VRK1: variants seen among roughly 807,000 people sequenced by gnomAD.
VRK1 encodes VRK serine/threonine kinase 1, also known as serine/threonine-protein kinase VRK1.
In VRK1, 33 loss-of-function variants were observed where a neutral mutation model predicts 57.1. That is an observed-to-expected ratio of 0.58 (90% CI 0.44 to 0.77). The LOEUF is 0.77. VRK1 is among the 30% of genes least tolerant of loss of function. The pLI is 0.00. For missense variants in VRK1, 413 were observed against 477.3 expected, an observed-to-expected ratio of 0.87 and a Z score of 1.25; for synonymous variants, 137 against 147.8, an observed-to-expected ratio of 0.93 and a Z score of 0.53.
intron 11 of VRK1, among the ~76,000 whole-genome samples, chr14:96,874,577 C>T (rs1888953784): frequency 6.6e-6 from 1 of 152,172 alleles, no homozygotes; most frequent in Admixed American, 6.5e-5. Flanking sequence ...CCCCCATATA[C>T]AAATCTGCTA....
At chr14:96,839,581 C>T (rs780927365) in intron 3 of VRK1, among the ~76,000 whole-genome samples, 3 of 152,080 alleles carry the variant, frequency 2.0e-5, no homozygotes, top group Non-Finnish European at 4.4e-5. Context: ...TCAGTTTGCA[C>T]GTGCTTGTTG....
chr14:96,811,999 AAATTTATCAATTCTGG>A (rs1202719311), intron 1 of VRK1, among the ~76,000 whole-genome samples: 1 of 152,338 alleles, frequency 6.6e-6, no homozygotes, highest in African/African-American at 2.4e-5. Context: ...TTTTGTCTAT[AAATTTATCAATTCTGG>A]AAATTTTACG....
At chr14:96,828,065 A>G (rs1279475095) in intron 1 of VRK1, among the ~76,000 whole-genome samples, 1 of 152,192 alleles carries the variant, frequency 6.6e-6, no homozygotes, top group African/African-American at 2.4e-5. Context: ...AATTCATGTA[A>G]ATGGAATATA....
chr14:96,880,998 C>A (rs1010316411), intron 12 of VRK1, among the ~76,000 whole-genome samples, 179 bp from the exon 13 acceptor site: 21 of 152,124 alleles, frequency 1.4e-4, no homozygotes, highest in African/African-American at 5.1e-4. Flanking sequence ...ACCCAATTTT[C>A]TAAGATTTTC....
intron 2 of VRK1, among the ~76,000 whole-genome samples, chr14:96,836,299 G>T (rs1887209418): frequency 6.6e-6 from 1 of 152,050 alleles, no homozygotes; most frequent in Non-Finnish European, 1.5e-5. Flanking sequence ...GCAGCCCAAA[G>T]AAGTCTTTAT....
In VRK1 at chr14:96,800,813, T is replaced by C. The variant is rs142118893; in HGVS notation, c.-6+3366T>C. Among the ~76,000 whole-genome samples, 120 of 152,154 alleles carry C rather than the reference T, an allele frequency of 7.9e-4. 1 individual carries two copies. Among genetic ancestry groups the C allele is most frequent in the African/African-American group, 2.8e-3 (115 of 41,488 alleles). ...ACGTGTATACTAAAATGTTTATTGGTAAGTAATTCATTAAATGGGAAGATA... is the reference window on the plus strand; with the variant it reads ...ACGTGTATACTAAAATGTTTATTGGCAAGTAATTCATTAAATGGGAAGATA... On this transcript the variant is annotated intron_variant, in intron 1 of 12. Coordinates refer to ENST00000216639, the MANE Select transcript of VRK1 (RefSeq NM_003384.3).
chr14:96,802,552 T>C (rs1885704160), intron 1 of VRK1, among the ~76,000 whole-genome samples: 1 of 152,226 alleles, frequency 6.6e-6, no homozygotes, highest in Admixed American at 6.5e-5. Context: ...GACAAAATTA[T>C]AGAAATGCAG....
chr14:96,834,531 T>C (rs1887140378), intron 2 of VRK1, among the ~76,000 whole-genome samples: 1 of 152,192 alleles, frequency 6.6e-6, no homozygotes. Context: ...TGAGAACCAC[T>C]GGTTGGTAAA....
At chr14:96,810,945 A>G (rs898102361) in intron 1 of VRK1, among the ~76,000 whole-genome samples, 3 of 148,326 alleles carry the variant, frequency 2.0e-5, no homozygotes, top group Admixed American at 1.3e-4. Context: ...TTTTTTTTTT[A>G]ATTTTTTTTT....
chr14:96,881,507 C>G lies in VRK1; in HGVS notation c.*299C>G. 3.7e-6 allele frequency: 1 copy of G among 270,250 alleles called. No homozygotes were observed. The highest frequency in any genetic ancestry group is 4.8e-5 in the Admixed American group (1 of 20,694). 16.7% of individuals were successfully genotyped at this position (270,250 alleles called of 1,614,324 possible). On this transcript the variant is annotated 3_prime_UTR_variant, in exon 13 of 13. Transcript: ENST00000216639. ...TTATTATGACACGCACTTTTCTAAT[C>G]ATTGTACATTTCTCAGAGTGGATAA...
At chr14:96,876,376 G>A (rs1380201096) in intron 12 of VRK1, among the ~76,000 whole-genome samples, 1 of 152,136 alleles carries the variant, frequency 6.6e-6, no homozygotes, top group Non-Finnish European at 1.5e-5. Context: ...ATGATTAAAT[G>A]GCAGAGCTGC....
intron 1 of VRK1, among the ~76,000 whole-genome samples, chr14:96,802,874 A>G (rs1434931263): frequency 1.3e-5 from 2 of 152,216 alleles, no homozygotes; most frequent in Admixed American, 6.5e-5. Context: ...TAAAGCTGCT[A>G]TGAACATTAA....
chr14:96,842,029 G>GT (rs928340460), intron 3 of VRK1, among the ~76,000 whole-genome samples: 7 of 151,866 alleles, frequency 4.6e-5, no homozygotes, highest in Admixed American at 3.9e-4. Flanking sequence ...GTTGTTTTTA[G>GT]TTTTTTTAAA....
chr14:96,816,711 A>G (rs1276991755), intron 1 of VRK1, among the ~76,000 whole-genome samples: 4 of 152,180 alleles, frequency 2.6e-5, no homozygotes, highest in Non-Finnish European at 4.4e-5. Context: ...AGATTAAGTG[A>G]CAGTATAGGG....
At chr14:96,860,947 C>T in intron 11 of VRK1, 1 of 402,866 alleles carries the variant, frequency 2.5e-6, no homozygotes, top group South Asian at 4.1e-5. Flanking sequence ...TTACTAAATT[C>T]CTGAACTGAT....
chr14:96,844,088 A>G (rs1211559221), intron 3 of VRK1, among the ~76,000 whole-genome samples: 1 of 152,216 alleles, frequency 6.6e-6, no homozygotes, highest in East Asian at 1.9e-4. Flanking sequence ...TCCAAAGGTA[A>G]GCTTTGGAGA....
At chr14:96,869,175 T>C (rs1310185514) in intron 11 of VRK1, among the ~76,000 whole-genome samples, 3 of 152,222 alleles carry the variant, frequency 2.0e-5, no homozygotes, top group South Asian at 2.1e-4. Context: ...AAGATTGTTA[T>C]GAGGAATAAA....
At chr14:96,871,774 A>C (rs1229884302) in intron 11 of VRK1, among the ~76,000 whole-genome samples, 1 of 152,188 alleles carries the variant, frequency 6.6e-6, no homozygotes, top group Non-Finnish European at 1.5e-5. Flanking sequence ...ACTGAAACTC[A>C]TTGAAAACAA....
chr14:96,800,287 C>A (rs570797078), intron 1 of VRK1, among the ~76,000 whole-genome samples: 3 of 152,118 alleles, frequency 2.0e-5, no homozygotes, highest in Non-Finnish European at 4.4e-5. Flanking sequence ...TCTGAAGTTG[C>A]TGTTTTGAAG....
Sources: gnomAD v4.1 joint callset for allele counts (sites outside exome capture counted in the v4.1 genomes callset) on GRCh38, gnomAD v4.1.1 for gene constraint, MANE v1.5 for transcripts, NCBI Gene and HGNC (gene_info 2026-07-23, HGNC 2026-07-21) for gene names.